BFSP1: variants seen among roughly 807,000 people sequenced by gnomAD.
The protein encoded by BFSP1 is beaded filament structural protein 1.
Under a neutral mutation model 43.9 loss-of-function variants are expected in BFSP1, and 38 were observed. The ratio of observed to expected loss-of-function variants is 0.87; its 90% CI spans 0.67 to 1.14. BFSP1 has a LOEUF of 1.14. Among genes scored for constraint, BFSP1 ranks in the 50% most tolerant of loss-of-function variants. The probability of loss-of-function intolerance (pLI) is 0.00; values close to 1 mark genes in which losing one functional copy is unlikely to be tolerated. For synonymous variants in BFSP1, 352 were observed against 354.8 expected (o/e 0.99, Z 0.09); for missense variants, 850 against 875.1 (o/e 0.97, Z 0.36).
chr20:17,505,178 G>A (rs1214069475), intron 5 of BFSP1, among the ~76,000 whole-genome samples: 1 of 152,148 alleles, frequency 6.6e-6, no homozygotes, highest in Non-Finnish European at 1.5e-5. Flanking sequence ...GGGCTCTTAC[G>A]GGTATATGTG....
Position 17,496,937 on chromosome 20 carries a change from C to G in BFSP1, c.1042+1G>C. Reference sequence around the variant, plus strand: ...AGAAGTCCAGTGTTGGGGAGCGTTACCTTTCCCACCGGATCCAGTGCTGAG... The same window carrying G: ...AGAAGTCCAGTGTTGGGGAGCGTTAGCTTTCCCACCGGATCCAGTGCTGAG... On this transcript the variant is annotated splice_donor_variant, in intron 7 of 7. Transcript: ENST00000377873. LOFTEE classifies it high-confidence loss of function. 1 of 1,530,972 alleles carries G rather than the reference C, an allele frequency of 6.5e-7. No homozygotes were observed. The highest frequency in any genetic ancestry group is 1.3e-5 in the South Asian group (1 of 79,978). The allele number at this position is 1,530,972 out of a possible 1,614,324, so 94.8% of individuals were successfully genotyped here.
rs560560832 is a variant in BFSP1 at position 17,500,521 on chromosome 20, TA to T, written c.736-1482del. On this transcript the variant is annotated intron_variant, in intron 5 of 7. Transcript: ENST00000377873. Reference sequence around the variant, plus strand: ...TAAACAGACTGTGCTGCCAGTTGCATAAAAAAAAGTCTAGCACATGCAATTA... The same window carrying T: ...TAAACAGACTGTGCTGCCAGTTGCATAAAAAAAGTCTAGCACATGCAATTA... 3.9e-4 allele frequency among the ~76,000 whole-genome samples: 60 copies of T among 152,156 alleles called. 1 individual carries two copies. The South Asian group carries it at 7.5e-3, about 19-fold the overall frequency.
intron 1 of BFSP1, among the ~76,000 whole-genome samples, chr20:17,567,491 C>T (rs1386994684): frequency 1.3e-5 from 2 of 152,112 alleles, no homozygotes; most frequent in African/African-American, 4.8e-5. Context: ...TCTCCTGGGG[C>T]CATCTAAGAC....
chr20:17,538,506 C>T (rs1312011480), intron 1 of BFSP1, among the ~76,000 whole-genome samples: 1 of 152,090 alleles, frequency 6.6e-6, no homozygotes, highest in Non-Finnish European at 1.5e-5. Context: ...CAAGAAAACG[C>T]AAAAATCTTC....
In BFSP1 at chr20:17,541,869, G is replaced by A. The variant is rs1416704756; in HGVS notation, c.2+16819C>T. On this transcript the variant is annotated intron_variant, in intron 1 of 7. Transcript: ENST00000377868. Reference sequence around the variant, plus strand: ...TGTAAAATGCACTTGGACTGTCCTCGGTGACCCTAATTGCATGACTTGGCA... The same window carrying A: ...TGTAAAATGCACTTGGACTGTCCTCAGTGACCCTAATTGCATGACTTGGCA... 4.6e-5 allele frequency among the ~76,000 whole-genome samples: 7 copies of A among 152,156 alleles called. 1 individual carries two copies. Among genetic ancestry groups the A allele is most frequent in the Admixed American group, 4.6e-4 (7 of 15,270 alleles).
intron 1 of BFSP1, among the ~76,000 whole-genome samples, chr20:17,529,433 C>A (rs1195477273): frequency 6.6e-6 from 1 of 152,014 alleles, no homozygotes; most frequent in African/African-American, 2.4e-5. Flanking sequence ...AGTCTCCTTC[C>A]CACCTCTGTC....
exon 1 of BFSP1, chr20:17,558,787 C>T (rs1045990701): frequency 3.3e-6 from 5 of 1,528,090 alleles, no homozygotes; most frequent in African/African-American, 2.8e-5. Flanking sequence ...CCTGCCTACC[C>T]AGGACTCCAA....
chr20:17,531,486 C>A, upstream of BFSP1: 1 of 1,103,952 alleles, frequency 9.1e-7, no homozygotes, highest in African/African-American at 1.6e-5. Context: ...TGGGCCCGGG[C>A]GCGGGAGAAG....
rs768306950 is a variant in BFSP1, at chr20:17,498,804, G to C, written c.956+16C>G. 1.2e-6 allele frequency: 2 copies of C among 1,610,002 alleles called. No individual in the cohort carries two copies. Among genetic ancestry groups the C allele is most frequent in the Non-Finnish European group, 1.7e-6 (2 of 1,178,734 alleles). ...GGAAGGAATAAGTGGCCTGGATGGG[G>C]AGGGCACACGCTCACCTGTTGCCTT... On this transcript the variant is annotated intron_variant, in intron 6 of 7. Coordinates refer to ENST00000377873, the MANE Select transcript of BFSP1 (RefSeq NM_001195.5).
rs182306233 is a variant in BFSP1, at chr20:17,507,746, G to T, written c.735+1143C>A. On this transcript the variant is annotated intron_variant, in intron 5 of 7. Transcript: ENST00000377873. The surrounding 1 kb of genome is among the most constrained non-coding windows in gnomAD (Gnocchi z 4.4). The stretch of plus-strand genomic sequence containing the variant: ...CCCCAGTCACCAGGATGAGGCACAT[G>T]GTCCCTGAGCCAGGGTTTGTCTCAC... Among the ~76,000 whole-genome samples the T allele has an allele frequency of 1.3e-5, 2 of 152,250 alleles. No individual in the cohort carries two copies. The highest frequency in any genetic ancestry group is 3.9e-4 in the East Asian group (2 of 5,180).
At chr20:17,499,454 C>G (rs910381563) in intron 5 of BFSP1, among the ~76,000 whole-genome samples, 4 of 146,632 alleles carry the variant, frequency 2.7e-5, no homozygotes, top group Non-Finnish European at 6.0e-5. Context: ...ACTTCGTTGC[C>G]CAGGCTGGTT....
chr20:17,520,619 C>A (rs542008063), intron 2 of BFSP1, among the ~76,000 whole-genome samples: 1 of 152,196 alleles, frequency 6.6e-6, no homozygotes, highest in Non-Finnish European at 1.5e-5. Flanking sequence ...CTACATCTCT[C>A]CACCCTCTCT....
In BFSP1 at chr20:17,500,435, C is replaced by A. The variant is rs537856666; in HGVS notation, c.736-1395G>T. Among the ~76,000 whole-genome samples the A allele has an allele frequency of 2.2e-4, 33 of 152,310 alleles. 1 individual carries two copies. In the South Asian group the frequency reaches 6.8e-3, roughly 32 times the overall value. ...ACAATTCCTGTCGCCTTGTGACAAC[C>A]GCAGCCATCCTAGGGCCGTGGAGCC... On this transcript the variant is annotated intron_variant, in intron 5 of 7. Transcript: ENST00000377873.
chr20:17,515,973 A>G (rs1249947840), intron 2 of BFSP1, among the ~76,000 whole-genome samples: 1 of 152,098 alleles, frequency 6.6e-6, no homozygotes, highest in Non-Finnish European at 1.5e-5. Context: ...ATGTAGGGAC[A>G]CTCCCCACCC....
chr20:17,496,901 C>G (rs1300458332), intron 7 of BFSP1, 37 bp downstream of exon 7: 10 of 1,462,010 alleles, frequency 6.8e-6, no homozygotes, highest in Non-Finnish European at 9.1e-6. Context: ...TTTTTCAAGA[C>G]AGAAAAAAAC....
intron 1 of BFSP1, among the ~76,000 whole-genome samples, chr20:17,555,941 A>T (rs1389457243): frequency 6.6e-6 from 1 of 152,228 alleles, no homozygotes; most frequent in Non-Finnish European, 1.5e-5. Context: ...AGAGTAATGA[A>T]AAAGGTGATA....
In BFSP1 at chr20:17,564,934, C is replaced by CT. The variant is rs59967108; in HGVS notation, n.51-1840dup. Among the ~76,000 whole-genome samples the CT allele has an allele frequency of 5.9e-3, 847 of 142,718 alleles. 5 individuals carry two copies. Among genetic ancestry groups the CT allele is most frequent in the African/African-American group, 0.017 (650 of 38,994 alleles). The allele number at this position is 142,718 out of a possible 152,430, so 93.6% of individuals were successfully genotyped here. On this transcript the variant is annotated intron_variant and non_coding_transcript_variant, in intron 1 of 6. Coordinates refer to the BFSP1 transcript ENST00000473415. The stretch of plus-strand genomic sequence containing the variant: ...TTGACAAATGTGTATACCCATGTAA[C>CT]TTTTTTTTTTTTTTTGAGATGGAGT...
At chr20:17,506,525 C>CTTTT (rs572795949) in intron 5 of BFSP1, among the ~76,000 whole-genome samples, 8 of 134,508 alleles carry the variant, frequency 5.9e-5, no homozygotes, top group East Asian at 2.1e-4. Context: ...TAATTAGTTT[C>CTTTT]TTTTTTTTTT....
intron 1 of BFSP1, among the ~76,000 whole-genome samples, chr20:17,529,090 T>TGTGTGTGTGTGTGAGAGA (rs577672397): frequency 6.6e-6 from 1 of 151,496 alleles, no homozygotes; most frequent in African/African-American, 2.4e-5. Context: ...TGTGTGTGTG[T>TGTGTGTGTGTGTGAGAGA]GAGACAGAGT....
Sources: allele counts gnomAD v4.1 joint callset (sites outside exome capture counted in the v4.1 genomes callset), GRCh38; gene constraint gnomAD v4.1.1; non-coding constraint Gnocchi (gnomAD v3.1); transcripts MANE v1.5; gene names NCBI Gene and HGNC (gene_info 2026-07-23, HGNC 2026-07-21).